CPAMD8: variants seen among roughly 807,000 people sequenced by gnomAD.
The protein encoded by CPAMD8 is C3 and PZP-like alpha-2-macroglobulin domain-containing protein 8.
In CPAMD8, 146 loss-of-function variants were observed where a neutral mutation model predicts 224.7. That is an observed-to-expected ratio of 0.65 (90% CI 0.57 to 0.75). The LOEUF (loss-of-function observed/expected upper bound fraction) is 0.75. Among genes scored for constraint, CPAMD8 ranks in the 30% least tolerant of loss-of-function variants. CPAMD8 has a pLI of 0.00. For missense variants in CPAMD8, 2,301 were observed against 2,537.5 expected (o/e 0.91, Z 2.00); for synonymous variants, 966 against 1,044.6 (o/e 0.92, Z 1.45).
chr19:16,990,012 G>C (rs951544975), intron 12 of CPAMD8, among the ~76,000 whole-genome samples: 8 of 152,214 alleles, frequency 5.3e-5, no homozygotes, highest in African/African-American at 1.7e-4. Context: ...AGCACTTCGG[G>C]AGGCCGAGGC....
intron 15 of CPAMD8, among the ~76,000 whole-genome samples, chr19:16,976,761 G>T (rs1265344440): frequency 6.6e-6 from 1 of 151,986 alleles, no homozygotes; most frequent in East Asian, 1.9e-4. Flanking sequence ...GCAGGGAGGA[G>T]CCAGGCGCAG....
At chr19:16,908,838 C>G (rs926630177) in intron 29 of CPAMD8, among the ~76,000 whole-genome samples, 1 of 152,136 alleles carries the variant, frequency 6.6e-6, no homozygotes, top group Non-Finnish European at 1.5e-5. Context: ...CCTCACAAGT[C>G]CATTGCCTGG....
intron 19 of CPAMD8, among the ~76,000 whole-genome samples, chr19:16,953,119 G>T (rs1288027145): frequency 6.6e-6 from 1 of 152,098 alleles, no homozygotes; most frequent in Non-Finnish European, 1.5e-5. Flanking sequence ...TTAGGGAAAA[G>T]ACAATCTTTT....
intron 32 of CPAMD8, 132 bp downstream of exon 32, chr19:16,904,094 C>T: frequency 7.3e-6 from 8 of 1,098,274 alleles, no homozygotes; most frequent in Non-Finnish European, 9.0e-6. Flanking sequence ...CACCCCCAAC[C>T]CCTGCCCTCT....
chr19:16,959,385 C>A (rs530334228), intron 18 of CPAMD8, among the ~76,000 whole-genome samples: 2 of 145,930 alleles, frequency 1.4e-5, no homozygotes, highest in African/African-American at 5.1e-5. Flanking sequence ...ATGTTGACCA[C>A]GCTGGTCTCA....
chr19:16,944,100 G>A (rs1029075612), intron 22 of CPAMD8, among the ~76,000 whole-genome samples: 4 of 152,158 alleles, frequency 2.6e-5, no homozygotes, highest in Non-Finnish European at 5.9e-5. Context: ...ATGATGGGCC[G>A]TGCACAGATG....
chr19:17,004,212 A>T, intron 8 of CPAMD8, 61 bp downstream of exon 8: 1 of 1,212,586 alleles, frequency 8.2e-7, no homozygotes, highest in Non-Finnish European at 1.2e-6. Flanking sequence ...GGCCTTCTTC[A>T]CCAGTTTCTA....
chr19:16,916,088 C>T (rs982047384), intron 27 of CPAMD8, among the ~76,000 whole-genome samples: 8 of 152,024 alleles, frequency 5.3e-5, no homozygotes, highest in Admixed American at 3.9e-4. Context: ...AGTCCTAACT[C>T]ACTGTAGCCT....
intron 30 of CPAMD8, 109 bp from the exon 31 acceptor site, chr19:16,904,661 A>G: frequency 1.3e-6 from 1 of 759,476 alleles, no homozygotes; most frequent in Non-Finnish European, 2.4e-6. Flanking sequence ...GTGGGACCCC[A>G]GTGGGAGAAG....
At chr19:16,953,068 C>G (rs76243135) in intron 19 of CPAMD8, among the ~76,000 whole-genome samples, 1 of 151,938 alleles carries the variant, frequency 6.6e-6, no homozygotes. Context: ...TAAACCTTGA[C>G]GACACAGATA....
intron 41 of CPAMD8, chr19:16,895,151 T>G: frequency 6.5e-6 from 1 of 152,774 alleles, no homozygotes; most frequent in East Asian, 1.9e-4. Context: ...GGCTCATGCC[T>G]GCAATACCAG....
At chr19:17,007,104 C>A (rs1391508756) in intron 7 of CPAMD8, among the ~76,000 whole-genome samples, 2 of 151,940 alleles carry the variant, frequency 1.3e-5, no homozygotes, top group East Asian at 1.9e-4. Flanking sequence ...GAGGCCGAGG[C>A]GGGCGGATCA....
At position 16,897,703 on chromosome 19, in the gene CPAMD8, C is replaced by CT. The variant is rs1255153329; in HGVS notation, c.5052_5053insA (p.Ala1685SerfsTer18). ...TCCGCGCACTCACCCGGGCCCCGGG[C>CT]AGGGGCGCGCTCCACTTCGTTGCAC... On this transcript the variant is annotated frameshift_variant, in exon 39 of 42. Transcript: ENST00000443236. LOFTEE classifies it high-confidence loss of function. 1 of 1,538,724 alleles carries CT rather than the reference C, an allele frequency of 6.5e-7. No individual in the cohort carries two copies. Among genetic ancestry groups the CT allele is most frequent in the South Asian group, 1.2e-5 (1 of 82,758 alleles).
chr19:16,905,218 A>G (rs996554749), intron 30 of CPAMD8, among the ~76,000 whole-genome samples: 1 of 152,128 alleles, frequency 6.6e-6, no homozygotes, highest in African/African-American at 2.4e-5. Context: ...TCCACACTCC[A>G]GCCTGGGTGA....
Position 16,897,911 on chromosome 19 carries a change from G to A in CPAMD8, c.4932C>T (p.Ser1644=). The change falls in exon 38 of 42, where the codon TCC becomes TCT. Residue 1644 remains serine (S), a synonymous_variant. Transcript: ENST00000443236. ...VVGRTSALPV[S]VYDYYEPAFE... is the part of the protein sequence containing the mutation. Reference sequence around the variant, plus strand: ...TACCGGGTTCGTAGTAGTCGTACACGGAGACTGGCAGCGCCGACGTCCTGC... The same window carrying A: ...TACCGGGTTCGTAGTAGTCGTACACAGAGACTGGCAGCGCCGACGTCCTGC... 6.2e-7 allele frequency: 1 copy of A among 1,610,930 alleles called. No individual in the cohort carries two copies. The highest frequency in any genetic ancestry group is 8.5e-7 in the Non-Finnish European group (1 of 1,179,236).
intron 27 of CPAMD8, among the ~76,000 whole-genome samples, chr19:16,918,797 A>T (rs978774957): frequency 5.4e-5 from 8 of 146,874 alleles, no homozygotes; most frequent in Non-Finnish European, 1.2e-4. Context: ...AGTTGATTGA[A>T]TCCTGTGGAA....
At chr19:16,960,065 A>G (rs990982148) in intron 18 of CPAMD8, among the ~76,000 whole-genome samples, 2 of 152,076 alleles carry the variant, frequency 1.3e-5, no homozygotes, top group African/African-American at 4.8e-5. Context: ...CCTGGGTTTT[A>G]CCACGTTCAT....
At position 16,904,434 on chromosome 19, in the gene CPAMD8, G is replaced by A. The variant is rs1432023755; in HGVS notation, c.4114+32C>T. ...ACCCAGTGCATGGAGGTATGGCCAAGGCAGGCACCCGGGAGCTGGGGTGGC... is the reference window on the plus strand; with the variant it reads ...ACCCAGTGCATGGAGGTATGGCCAAAGCAGGCACCCGGGAGCTGGGGTGGC... On this transcript the variant is annotated intron_variant, in intron 31 of 41. Transcript: ENST00000443236. 6.8e-6 allele frequency: 11 copies of A among 1,613,766 alleles called. No individual in the cohort carries two copies. The South Asian group carries it at 8.8e-5, about 13-fold the overall frequency.
Position 16,907,111 on chromosome 19 carries a change from T to C in CPAMD8, c.3868A>G (p.Arg1290Gly). 1.3e-6 allele frequency: 2 copies of C among 1,557,798 alleles called. No homozygotes were observed. The highest frequency in any genetic ancestry group is 1.7e-6 in the Non-Finnish European group (2 of 1,150,054). The change falls in exon 30 of 42, where the codon AGA becomes GGA. Residue 1290 changes from arginine to glycine, a missense_variant. Coordinates refer to ENST00000443236, the MANE Select transcript of CPAMD8 (RefSeq NM_015692.5). ...LETGTASEEE[R>G]GSTDKARHFL... ...TGCCTCGCTTTGTCAGTGGAGCCTC[T>C]CTCCTCCTGCAGGGTGGGGTGGGAA...
Sources: allele counts gnomAD v4.1 joint callset (sites outside exome capture counted in the v4.1 genomes callset), GRCh38; gene constraint gnomAD v4.1.1; transcripts MANE v1.5; gene names NCBI Gene and HGNC (gene_info 2026-07-23, HGNC 2026-07-21).